Variants in SGCD observed in about 807,000 individuals in gnomAD.
The protein encoded by SGCD is delta-sarcoglycan.
SGCD carries 18 observed loss-of-function variants against 36.6 expected under a neutral mutation model. That is an observed-to-expected ratio of 0.49 (90% CI 0.34 to 0.73). The LOEUF is 0.73. SGCD is among the 30% of genes least tolerant of loss of function. SGCD has a pLI of 0.01. For missense variants in SGCD, 387 were observed against 346.7 expected, an observed-to-expected ratio of 1.12 and a Z score of -0.92; for synonymous variants, 133 against 130.6, an observed-to-expected ratio of 1.02 and a Z score of -0.12.
At chr5:156,317,058 T>A (rs925994891) in intron 3 of SGCD, among the ~76,000 whole-genome samples, 1 of 152,118 alleles carries the variant, frequency 6.6e-6, no homozygotes, top group African/African-American at 2.4e-5. Context: ...ATTGTGATAA[T>A]TAAGTCACTG....
At chr5:156,391,690 CTG>C (rs1313349199) in intron 3 of SGCD, among the ~76,000 whole-genome samples, 2 of 152,124 alleles carry the variant, frequency 1.3e-5, no homozygotes, top group African/African-American at 4.8e-5. Flanking sequence ...ACTTGAGCAT[CTG>C]TGGATTTTGG....
rs115769681 is a variant in SGCD at position 156,023,687 on chromosome 5, C to T, written c.-281-94191C>T. 2.1e-3 allele frequency among the ~76,000 whole-genome samples: 314 copies of T among 152,244 alleles called. 1 individual carries two copies. Among genetic ancestry groups the T allele is most frequent in the African/African-American group, 6.6e-3 (275 of 41,534 alleles). On this transcript the variant is annotated intron_variant, in intron 1 of 9. Transcript: ENST00000517913. ...GGTTACCTAAGAGGAAGTGTGAGAA[C>T]GTTCAGAGAATTATCTCAGTAATGC...
intron 4 of SGCD, among the ~76,000 whole-genome samples, chr5:156,586,212 G>C (rs1020905291): frequency 6.6e-5 from 10 of 151,948 alleles, no homozygotes; most frequent in African/African-American, 2.2e-4. Context: ...AGTTTTGAAG[G>C]GTACTGATAA....
chr5:156,214,576 ATT>A (rs1764527044), intron 3 of SGCD, among the ~76,000 whole-genome samples: 1 of 152,026 alleles, frequency 6.6e-6, no homozygotes, highest in Non-Finnish European at 1.5e-5. Flanking sequence ...CTCTATTAAA[ATT>A]CCACAGAAAT....
At chr5:156,123,385 G>T (rs1247069929) in intron 2 of SGCD, among the ~76,000 whole-genome samples, 1 of 152,070 alleles carries the variant, frequency 6.6e-6, no homozygotes, top group African/African-American at 2.4e-5. Flanking sequence ...AGTGGCCAGT[G>T]GTCGCAGTAA....
intron 3 of SGCD, among the ~76,000 whole-genome samples, chr5:156,274,128 C>T (rs773130572): frequency 1.3e-5 from 2 of 151,966 alleles, no homozygotes; most frequent in Non-Finnish European, 2.9e-5. Flanking sequence ...GGCCCCACAG[C>T]GTGAGGAGGT....
chr5:155,850,113 C>G, the SGCD span, among the ~76,000 whole-genome samples: 6 of 152,158 alleles, frequency 3.9e-5, no homozygotes, highest in East Asian at 1.2e-3. Context: ...TACCTTGTTT[C>G]TCCATATTCT....
chr5:156,039,278 A>G (rs1042984764), intron 1 of SGCD, among the ~76,000 whole-genome samples: 2 of 145,118 alleles, frequency 1.4e-5, no homozygotes, highest in African/African-American at 5.7e-5. Flanking sequence ...TACTATTAAT[A>G]TATGCATTTC....
intron 3 of SGCD, among the ~76,000 whole-genome samples, chr5:156,296,109 G>A (rs1185505898): frequency 3.9e-5 from 6 of 152,176 alleles, no homozygotes; most frequent in African/African-American, 7.2e-5. Flanking sequence ...TGGTTTTGGA[G>A]CAAGCAGGCA....
chr5:156,121,169 A>G (rs1460129112), intron 2 of SGCD, among the ~76,000 whole-genome samples: 1 of 152,144 alleles, frequency 6.6e-6, no homozygotes, highest in Non-Finnish European at 1.5e-5. Context: ...TTCAGAATCC[A>G]GTGGGAACTA....
intron 2 of SGCD, among the ~76,000 whole-genome samples, chr5:156,344,136 A>T (rs547938216): frequency 4.5e-4 from 68 of 152,130 alleles, no homozygotes; most frequent in Admixed American, 1.1e-3. Context: ...AGTAATTCTA[A>T]ATTTTTCCTT....
At chr5:155,847,757 A>G in the SGCD span, among the ~76,000 whole-genome samples, 1 of 152,186 alleles carries the variant, frequency 6.6e-6, no homozygotes, top group South Asian at 2.1e-4. Context: ...TCCAGCCCTC[A>G]GTCGTTCTAA....
intron 1 of SGCD, among the ~76,000 whole-genome samples, chr5:156,061,236 T>C: frequency 6.9e-6 from 1 of 145,358 alleles, no homozygotes; most frequent in East Asian, 1.9e-4. Context: ...ACATAGTATG[T>C]CCAATCTCTA....
intron 3 of SGCD, among the ~76,000 whole-genome samples, chr5:156,275,242 G>A (rs930776353): frequency 7.2e-5 from 11 of 152,064 alleles, no homozygotes; most frequent in Non-Finnish European, 1.2e-4. Flanking sequence ...CTAAAACAGT[G>A]CTCTCCAGGG....
rs572312334 is a variant in SGCD at position 156,332,822 on chromosome 5, T to A, written c.3+3243T>A. ...GAAGGGAATTGATTAAGAGGAGTAA[T>A]AAGAGAATTTTCTCGGGTGATAGAA... On this transcript the variant is annotated intron_variant, in intron 2 of 8. Transcript: ENST00000337851. Among the ~76,000 whole-genome samples the A allele has an allele frequency of 5.3e-5, 8 of 152,332 alleles. No individual in the cohort carries two copies. The East Asian group carries it at 1.3e-3, about 26-fold the overall frequency.
At chr5:156,587,771 T>C (rs567434659) in intron 4 of SGCD, among the ~76,000 whole-genome samples, 1 of 152,252 alleles carries the variant, frequency 6.6e-6, no homozygotes, top group East Asian at 1.9e-4. Flanking sequence ...CAGGAATTCT[T>C]CTTTGCTTCC....
chr5:155,894,659 A>G (rs1047289696), intron 1 of SGCD, among the ~76,000 whole-genome samples: 4 of 152,110 alleles, frequency 2.6e-5, no homozygotes, highest in Non-Finnish European at 5.9e-5. Flanking sequence ...TCTCAAAGGA[A>G]CATGAACTCT....
At chr5:156,490,420 C>A (rs1279235399) in intron 3 of SGCD, among the ~76,000 whole-genome samples, 2 of 150,874 alleles carry the variant, frequency 1.3e-5, no homozygotes, top group Non-Finnish European at 3.0e-5. Flanking sequence ...AATGACAGGC[C>A]AATATTTCTA....
chr5:155,755,051 A>G, the SGCD span, among the ~76,000 whole-genome samples: 10 of 151,946 alleles, frequency 6.6e-5, no homozygotes, highest in Admixed American at 1.3e-4. Context: ...TGTACATTAA[A>G]CTCTGTCTCT....
Sources: gnomAD v4.1 joint callset for allele counts (sites outside exome capture counted in the v4.1 genomes callset) on GRCh38, gnomAD v4.1.1 for gene constraint, MANE v1.5 for transcripts, NCBI Gene and HGNC (gene_info 2026-07-23, HGNC 2026-07-21) for gene names.